The following KHDRBS3 variants were observed in gnomAD, a reference collection of about 807,000 sequenced individuals.
KHDRBS3 encodes KH domain-containing, RNA-binding, signal transduction-associated protein 3.
KHDRBS3 carries 23 observed loss-of-function variants against 45.6 expected under a neutral mutation model. That is an observed-to-expected ratio of 0.50 (90% CI 0.36 to 0.72). KHDRBS3 has a LOEUF of 0.72. Among genes scored for constraint, KHDRBS3 ranks in the 30% least tolerant of loss-of-function variants. KHDRBS3 has a pLI of 0.00. For missense variants in KHDRBS3, 352 were observed against 424.8 expected (o/e 0.83, Z 1.51); for synonymous variants, 162 against 156.5 (o/e 1.04, Z -0.26).
At chr8:135,489,149 T>G (rs141104905) in intron 1 of KHDRBS3, among the ~76,000 whole-genome samples, 3 of 152,194 alleles carry the variant, frequency 2.0e-5, no homozygotes, top group Non-Finnish European at 4.4e-5. Context: ...ATTTCTTTTT[T>G]CTTTTTTGGT....
At chr8:135,473,855 A>T (rs1055968775) in intron 1 of KHDRBS3, among the ~76,000 whole-genome samples, 19 of 152,196 alleles carry the variant, frequency 1.2e-4, no homozygotes, top group African/African-American at 3.9e-4. Flanking sequence ...TGCTTACTGA[A>T]GGAAGCCCCA....
chr8:135,651,895 A>G (rs556882284), downstream of KHDRBS3, among the ~76,000 whole-genome samples: 7 of 152,320 alleles, frequency 4.6e-5, no homozygotes, highest in South Asian at 1.2e-3. Context: ...TAACGATACT[A>G]TAATTTAGAT....
At chr8:135,639,862 C>T (rs977433048) in intron 7 of KHDRBS3, among the ~76,000 whole-genome samples, 4 of 152,180 alleles carry the variant, frequency 2.6e-5, no homozygotes, top group Non-Finnish European at 5.9e-5. Context: ...TGCCCCCGAT[C>T]CAGTCACCTC....
chr8:135,497,821 G>C (rs1823534776), intron 1 of KHDRBS3, among the ~76,000 whole-genome samples: 2 of 152,112 alleles, frequency 1.3e-5, no homozygotes, highest in African/African-American at 4.8e-5. Flanking sequence ...AAGTGAGTAA[G>C]TTACCTATCT....
At chr8:135,518,557 C>T (rs1339075434) in intron 1 of KHDRBS3, among the ~76,000 whole-genome samples, 4 of 152,136 alleles carry the variant, frequency 2.6e-5, no homozygotes, top group African/African-American at 4.8e-5. Context: ...AATTTTAGGA[C>T]GTTTCAGTGT....
intron 5 of KHDRBS3, among the ~76,000 whole-genome samples, chr8:135,560,763 T>C (rs1415412977): frequency 6.6e-6 from 1 of 152,214 alleles, no homozygotes; most frequent in Non-Finnish European, 1.5e-5. Context: ...TATTCTGTGA[T>C]AGCATTATTT....
chr8:135,625,505 G>C (rs1260104781), intron 7 of KHDRBS3: 1 of 802,140 alleles, frequency 1.2e-6, no homozygotes, highest in East Asian at 2.4e-5. Context: ...GGGCCTCAGG[G>C]GAGCTGCACT....
intron 7 of KHDRBS3, among the ~76,000 whole-genome samples, chr8:135,618,687 A>G (rs1830016382): frequency 6.6e-6 from 1 of 152,194 alleles, no homozygotes; most frequent in Admixed American, 6.5e-5. Flanking sequence ...AAGATAGTCA[A>G]TTCCAAAGTA....
intron 1 of KHDRBS3, among the ~76,000 whole-genome samples, chr8:135,520,784 G>A (rs1824866497): frequency 6.6e-6 from 1 of 152,218 alleles, no homozygotes; most frequent in Non-Finnish European, 1.5e-5. Flanking sequence ...TGGGCTACTG[G>A]AAGGTTGTCT....
intron 7 of KHDRBS3, among the ~76,000 whole-genome samples, chr8:135,642,059 T>C (rs1831081743): frequency 6.6e-6 from 1 of 152,224 alleles, no homozygotes; most frequent in Non-Finnish European, 1.5e-5. Flanking sequence ...CACAGATCAC[T>C]ATGATCATGT....
chr8:135,626,510 A>G (rs1279784885), intron 7 of KHDRBS3, among the ~76,000 whole-genome samples: 1 of 152,218 alleles, frequency 6.6e-6, no homozygotes, highest in East Asian at 1.9e-4. Flanking sequence ...AGGAGTAAAG[A>G]GGCACAGTGG....
intron 5 of KHDRBS3, among the ~76,000 whole-genome samples, chr8:135,575,388 G>A (rs1049777267): frequency 6.6e-6 from 1 of 152,094 alleles, no homozygotes; most frequent in South Asian, 2.1e-4. Context: ...CCTGCACAGC[G>A]ATGCCACACT....
intron 2 of KHDRBS3, among the ~76,000 whole-genome samples, chr8:135,533,969 G>A (rs187203629): frequency 2.6e-5 from 4 of 152,060 alleles, no homozygotes; most frequent in East Asian, 1.9e-4. Flanking sequence ...CAGAATGGTC[G>A]TATGGATACT....
chr8:135,530,359 C>G (rs1296844427), intron 2 of KHDRBS3, among the ~76,000 whole-genome samples: 1 of 152,166 alleles, frequency 6.6e-6, no homozygotes, highest in Non-Finnish European at 1.5e-5. Flanking sequence ...CATAATCCCT[C>G]TTTTCTAGGA....
intron 1 of KHDRBS3, among the ~76,000 whole-genome samples, chr8:135,474,758 T>C (rs1167340961): frequency 6.6e-6 from 1 of 151,868 alleles, no homozygotes; most frequent in Non-Finnish European, 1.5e-5. Flanking sequence ...AAAGTGAGAG[T>C]GTATTGGTTT....
At chr8:135,567,942 G>A (rs1827510470) in intron 5 of KHDRBS3, among the ~76,000 whole-genome samples, 1 of 152,214 alleles carries the variant, frequency 6.6e-6, no homozygotes, top group Non-Finnish European at 1.5e-5. Context: ...AAATTCAAGT[G>A]TCACCACCAC....
At chr8:135,506,919 T>C (rs1824028447) in intron 1 of KHDRBS3, among the ~76,000 whole-genome samples, 1 of 152,214 alleles carries the variant, frequency 6.6e-6, no homozygotes, top group African/African-American at 2.4e-5. Flanking sequence ...CTGAATCATT[T>C]ATCCTGTAGG....
At chr8:135,627,396 C>T (rs1454327122) in intron 7 of KHDRBS3, among the ~76,000 whole-genome samples, 1 of 152,178 alleles carries the variant, frequency 6.6e-6, no homozygotes, top group Non-Finnish European at 1.5e-5. Flanking sequence ...TTCCTGGAAG[C>T]TTCACTCCAT....
At chr8:135,527,473 T>C (rs1025122554) in intron 2 of KHDRBS3, among the ~76,000 whole-genome samples, 1 of 152,224 alleles carries the variant, frequency 6.6e-6, no homozygotes, top group Admixed American at 6.5e-5. Context: ...CAGATTTTTA[T>C]AGAAGACATA....
Sources: allele counts gnomAD v4.1 joint callset (sites outside exome capture counted in the v4.1 genomes callset), GRCh38; gene constraint gnomAD v4.1.1; transcripts MANE v1.5; gene names NCBI Gene and HGNC (gene_info 2026-07-23, HGNC 2026-07-21).